The following NINL variants were observed in gnomAD, a reference collection of about 807,000 sequenced individuals.
The protein encoded by NINL is ninein-like protein.
Under a neutral mutation model 160.3 loss-of-function variants are expected in NINL, and 153 were observed. The ratio of observed to expected loss-of-function variants is 0.95; its 90% CI spans 0.84 to 1.09. NINL has a LOEUF of 1.09. Ranked by LOEUF, NINL falls within the 50% of genes least tolerant of loss-of-function variation. NINL has a pLI of 0.00. For synonymous variants in NINL, 800 were observed against 734.8 expected (o/e 1.09, Z -1.43); for missense variants, 1,829 against 1,764.0 (o/e 1.04, Z -0.66).
At chr20:25,552,680 C>A (rs183385463) in intron 1 of NINL, among the ~76,000 whole-genome samples, 117 of 152,296 alleles carry the variant, frequency 7.7e-4, no homozygotes, top group African/African-American at 2.8e-3. Context: ...TCTAGACACA[C>A]CCCCCTGCAA....
At chr20:25,562,933 T>C (rs77262452) in intron 1 of NINL, among the ~76,000 whole-genome samples, 4 of 152,100 alleles carry the variant, frequency 2.6e-5, no homozygotes, top group Non-Finnish European at 4.4e-5. Context: ...TTTGGGAGGC[T>C]AAGGCGGGCA....
intron 1 of NINL, among the ~76,000 whole-genome samples, chr20:25,575,108 T>C (rs1387244066): frequency 6.6e-6 from 1 of 152,194 alleles, no homozygotes; most frequent in Non-Finnish European, 1.5e-5. Flanking sequence ...AATATAGGAC[T>C]AGCTTTTTAA....
chr20:25,490,845 G>A (rs988560307), intron 11 of NINL, among the ~76,000 whole-genome samples: 2 of 152,140 alleles, frequency 1.3e-5, no homozygotes, highest in Non-Finnish European at 2.9e-5. Flanking sequence ...ACAGGCAGGA[G>A]CAGAGCAGGG....
rs903459024 is a variant in NINL at position 25,488,312 on chromosome 20, G to A, written c.1677+932C>T. Among the ~76,000 whole-genome samples, 48 of 152,094 alleles carry A rather than the reference G, an allele frequency of 3.2e-4. 1 individual carries two copies. The highest frequency in any genetic ancestry group is 1.1e-3 in the African/African-American group (46 of 41,426). The stretch of plus-strand genomic sequence containing the variant: ...GCGATCTCGGCTCACTGCAACCTCC[G>A]CCGCTTGGGTTCAAGTGATTCTCCT... On this transcript the variant is annotated intron_variant, in intron 13 of 23. Transcript: ENST00000278886.
intron 1 of NINL, among the ~76,000 whole-genome samples, chr20:25,557,326 T>A (rs1201682978): frequency 6.6e-6 from 1 of 151,270 alleles, no homozygotes. Flanking sequence ...AGGTCAAGAG[T>A]TCCAGACCAG....
At chr20:25,475,247 TCAAAAAAAACAAAAAA>T (rs1341029658) in intron 17 of NINL, among the ~76,000 whole-genome samples, 1 of 151,254 alleles carries the variant, frequency 6.6e-6, no homozygotes, top group African/African-American at 2.4e-5. Flanking sequence ...AGACTCTGTC[TCAAAAAAAACAAAAAA>T]CAAAAAACAA....
At position 25,480,268 on chromosome 20, in the gene NINL, C is replaced by G. The variant is rs368992672; in HGVS notation, c.1811-1G>C. ...GCAGAATTACCCAGGAATGAAATGC[C>G]TGCAAACAAGAGGCCACTTCCGTTT... On this transcript the variant is annotated splice_acceptor_variant, in intron 14 of 23. Transcript: ENST00000278886. LOFTEE classifies it high-confidence loss of function. 4.3e-6 allele frequency: 7 copies of G among 1,613,138 alleles called. No homozygotes were observed. Among genetic ancestry groups the G allele is most frequent in the Non-Finnish European group, 5.9e-6 (7 of 1,179,348 alleles).
chr20:25,462,372 A>G lies in NINL; in HGVS notation c.3582+11T>C. The G allele has an allele frequency of 7.7e-7, 1 of 1,299,476 alleles. No homozygotes were observed. The highest frequency in any genetic ancestry group is 1.0e-6 in the Non-Finnish European group (1 of 1,002,504). 80.5% of individuals were successfully genotyped at this position (1,299,476 alleles called of 1,614,324 possible). On this transcript the variant is annotated intron_variant, in intron 20 of 23. Coordinates refer to ENST00000278886, the MANE Select transcript of NINL (RefSeq NM_025176.6). ...CCTCCAGCTCAGCTCCCTGCGGCTG[A>G]GGCCACCCACCTGCTGCTGCCCACT...
chr20:25,561,094 C>A (rs2064930556), intron 1 of NINL, among the ~76,000 whole-genome samples: 1 of 90,774 alleles, frequency 1.1e-5, no homozygotes, highest in South Asian at 3.6e-4. Context: ...CGAGCCGAAG[C>A]TGGACTGTGC....
intron 22 of NINL, among the ~76,000 whole-genome samples, chr20:25,458,038 T>C (rs1381147992): frequency 3.3e-5 from 5 of 152,158 alleles, no homozygotes; most frequent in African/African-American, 9.7e-5. Context: ...CCGGGCCCAA[T>C]CTGTCACCCT....
At position 25,476,856 on chromosome 20, in the gene NINL, G is replaced by A. The variant is rs1396829794; in HGVS notation, c.2435C>T (p.Ala812Val). ...GGGCCCGTCCACTCGCTTCCCGCGGGCAAGCTCCAACTCCTCCTCCTCGAG... is the reference window on the plus strand; with the variant it reads ...GGGCCCGTCCACTCGCTTCCCGCGGACAAGCTCCAACTCCTCCTCCTCGAG... ...LALEEEELEL[A>V]RGKRVDGPSL... The change falls in exon 17 of 24, where the codon GCC (alanine) becomes GTC (valine). Residue 812 changes from alanine (A) to valine (V), a missense_variant. Ala to Val is a moderately conservative substitution (Grantham distance 64). Coordinates refer to ENST00000278886, the MANE Select transcript of NINL (RefSeq NM_025176.6). 3.7e-6 allele frequency: 6 copies of A among 1,613,236 alleles called. No homozygotes were observed. Among genetic ancestry groups the A allele is most frequent in the South Asian group, 1.1e-5 (1 of 91,074 alleles).
intron 2 of NINL, among the ~76,000 whole-genome samples, chr20:25,520,678 A>G (rs405822): frequency 0.57 from 86,908 of 152,134 alleles, 26,339 homozygotes; most frequent in East Asian, 0.98. Context: ...ATTCAGGTTG[A>G]CAGTTATTTT....
intron 22 of NINL, 53 bp downstream of exon 22, chr20:25,458,330 G>A (rs1255053616): frequency 1.9e-5 from 31 of 1,598,520 alleles, no homozygotes; most frequent in South Asian, 1.3e-4. Flanking sequence ...CGGTGGGCCC[G>A]CCTCACCCTC....
At chr20:25,470,204 GTCCCT>G in intron 17 of NINL, 109 bp from the exon 18 acceptor site, 1 of 785,874 alleles carries the variant, frequency 1.3e-6, no homozygotes, top group Non-Finnish European at 2.2e-6. Context: ...CCATCTCCCC[GTCCCT>G]GGAGGTGGCG....
intron 1 of NINL, among the ~76,000 whole-genome samples, chr20:25,546,349 G>A (rs964303957): frequency 1.3e-4 from 20 of 152,124 alleles, no homozygotes; most frequent in African/African-American, 4.8e-4. Flanking sequence ...CCAAGCTTTC[G>A]TGGGTAAGTG....
At chr20:25,566,430 A>G (rs928230752) in intron 1 of NINL, among the ~76,000 whole-genome samples, 1 of 152,156 alleles carries the variant, frequency 6.6e-6, no homozygotes, top group Non-Finnish European at 1.5e-5. Flanking sequence ...AAAAAAAAAA[A>G]GTCTGAATAC....
At chr20:25,506,700 G>A (rs1032472921) in intron 5 of NINL, among the ~76,000 whole-genome samples, 6 of 152,124 alleles carry the variant, frequency 3.9e-5, no homozygotes, top group Admixed American at 1.3e-4. Flanking sequence ...ACTGAACACT[G>A]TACTGAAAGT....
In NINL at chr20:25,508,468, A is replaced by G. The variant is rs184098284; in HGVS notation, c.517+2206T>C. 2.2e-4 allele frequency among the ~76,000 whole-genome samples: 34 copies of G among 152,358 alleles called. No homozygotes were observed. In the East Asian group the frequency reaches 6.4e-3, roughly 29 times the overall value. On this transcript the variant is annotated intron_variant, in intron 5 of 23. Coordinates refer to ENST00000278886, the MANE Select transcript of NINL (RefSeq NM_025176.6). The stretch of plus-strand genomic sequence containing the variant: ...GCCTGCCTGGCCTGCAGCCCAGCCC[A>G]GGGCAAAGGGAATGGCGGGGCACCC...
chr20:25,576,689 T>C (rs2065119389), intron 1 of NINL, among the ~76,000 whole-genome samples: 1 of 152,116 alleles, frequency 6.6e-6, no homozygotes. Context: ...CTCGAACTCC[T>C]GAACTCAAGA....
Sources: allele counts gnomAD v4.1 joint callset (sites outside exome capture counted in the v4.1 genomes callset), GRCh38; gene constraint gnomAD v4.1.1; transcripts MANE v1.5; gene names NCBI Gene and HGNC (gene_info 2026-07-23, HGNC 2026-07-21).